The following TBC1D17 variants were observed in gnomAD, a reference collection of about 807,000 sequenced individuals.
The protein encoded by TBC1D17 is TBC1 domain family member 17.
TBC1D17 carries 69 observed loss-of-function variants against 78.8 expected under a neutral mutation model. The ratio of observed to expected loss-of-function variants is 0.88; its 90% CI spans 0.72 to 1.07. TBC1D17 has a LOEUF of 1.07. Ranked by LOEUF, TBC1D17 falls within the 50% of genes least tolerant of loss-of-function variation. TBC1D17 has a pLI of 0.00. For missense variants in TBC1D17, 957 were observed against 861.0 expected (o/e 1.11, Z -1.39); for synonymous variants, 456 against 358.3 (o/e 1.27, Z -3.08).
intron 13 of TBC1D17, chr19:49,885,229 C>T (rs1166018233): frequency 1.7e-5 from 3 of 178,496 alleles, no homozygotes; most frequent in African/African-American, 7.1e-5. Context: ...GGGCGGATCA[C>T]TTGAGGTCAG....
At position 49,882,961 on chromosome 19, in the gene TBC1D17, C is replaced by G. The variant is rs1226374912; in HGVS notation, c.928-12C>G. On this transcript the variant is annotated splice_polypyrimidine_tract_variant and intron_variant, in intron 8 of 16. Coordinates refer to ENST00000221543, the MANE Select transcript of TBC1D17 (RefSeq NM_024682.3). The stretch of plus-strand genomic sequence containing the variant: ...AGGCCCCACTGAGCTGCCTGCCCTC[C>G]TGCACCCCCAGGGTCTGAGCCCCAG... 6.2e-7 allele frequency: 1 copy of G among 1,604,098 alleles called. No homozygotes were observed. The highest frequency in any genetic ancestry group is 1.1e-5 in the South Asian group (1 of 90,520).
rs1425281159 is a variant in TBC1D17, at chr19:49,883,693, C to T, written c.1074C>T (p.Ser358=). The T allele has an allele frequency of 2.5e-6, 4 of 1,613,812 alleles. No individual in the cohort carries two copies. The highest frequency in any genetic ancestry group is 3.4e-6 in the Non-Finnish European group (4 of 1,179,970). ...TGAAGCTGCAGTGGAAATCTGTGAG[C>T]CCTGAGCAGGAGCGGAGAAACTCAC... is the stretch of plus-strand genomic sequence containing the variant. ...FRMKLQWKSV[S]PEQERRNSLL... is the part of the protein sequence containing the mutation. The change falls in exon 10 of 17, where the codon AGC becomes AGT. Residue 358 remains serine, a synonymous_variant. Transcript: ENST00000221543.
rs897198325 is a variant in TBC1D17 at position 49,887,057 on chromosome 19, G to A, written c.1445-419G>A. Reference sequence around the variant, plus strand: ...TTACCATGTTGGCCTGGCTGGTCTCGAACTCCTGACCTCAGGTGATCCACC... The same window carrying A: ...TTACCATGTTGGCCTGGCTGGTCTCAAACTCCTGACCTCAGGTGATCCACC... On this transcript the variant is annotated intron_variant, in intron 13 of 16. Transcript: ENST00000221543. The A allele has an allele frequency of 1.8e-5, 4 of 218,438 alleles. No homozygotes were observed. The East Asian group carries it at 3.8e-4, about 21-fold the overall frequency. 13.5% of individuals were successfully genotyped at this position (218,438 alleles called of 1,614,324 possible). A position where few individuals can be genotyped will look rare whatever the true frequency, so the allele number is the denominator to read the frequency against.
chr19:49,880,961 G>A (rs1197210615), intron 4 of TBC1D17, among the ~76,000 whole-genome samples: 1 of 152,198 alleles, frequency 6.6e-6, no homozygotes, highest in Non-Finnish European at 1.5e-5. Context: ...GTGAAGAAAG[G>A]TTGGAGGTAA....
At chr19:49,882,003 A>C in intron 5 of TBC1D17, 38 bp from the exon 6 acceptor site, 1 of 1,553,032 alleles carries the variant, frequency 6.4e-7, no homozygotes, top group Non-Finnish European at 8.9e-7. Context: ...CTGGGCCCCT[A>C]CCTGTGCATC....
intron 10 of TBC1D17, among the ~76,000 whole-genome samples, 165 bp from the exon 11 acceptor site, chr19:49,884,088 G>A (rs1199357526): frequency 1.3e-5 from 2 of 152,190 alleles, no homozygotes; most frequent in Non-Finnish European, 2.9e-5. Flanking sequence ...CCTCACAGCA[G>A]GAGCATCAGT....
At chr19:49,888,107 A>G in intron 15 of TBC1D17, 124 bp from the exon 16 acceptor site, 1 of 1,458,394 alleles carries the variant, frequency 6.9e-7, no homozygotes, top group South Asian at 1.3e-5. Context: ...CGCCCAGCGC[A>G]CTTCTGAGCC....
intron 2 of TBC1D17, 45 bp downstream of exon 2, chr19:49,878,286 G>T (rs1235277596): frequency 6.5e-7 from 1 of 1,529,920 alleles, no homozygotes; most frequent in Non-Finnish European, 8.9e-7. Flanking sequence ...CGAGCGGGAT[G>T]CAGGCGGTCT....
chr19:49,880,198 A>G, intron 3 of TBC1D17, 81 bp from the exon 4 acceptor site: 3 of 1,545,782 alleles, frequency 1.9e-6, no homozygotes, highest in Non-Finnish European at 2.6e-6. Context: ...TCTTTATTCA[A>G]TGGGGCTATC....
rs201849933 is a variant in TBC1D17 at position 49,884,310 on chromosome 19, C to T, written c.1184C>T (p.Pro395Leu). ...AAGTTCTACGAGGGTCCCGAGAACC[C>T]GGGGCTGGGCCTGCTGAACGATATC... ...TNKFYEGPEN[P>L]GLGLLNDILL... The change falls in exon 11 of 17, where the codon CCG (proline) becomes CTG (leucine). Residue 395 changes from proline (P) to leucine (L), a missense_variant. Coordinates refer to ENST00000221543, the MANE Select transcript of TBC1D17 (RefSeq NM_024682.3). 12 of 1,613,878 alleles carry T rather than the reference C, an allele frequency of 7.4e-6. No individual in the cohort carries two copies. The highest frequency in any genetic ancestry group is 6.6e-5 in the South Asian group (6 of 91,084).
intron 13 of TBC1D17, 120 bp downstream of exon 13, chr19:49,884,878 CCA>C: frequency 1.2e-6 from 1 of 848,678 alleles, no homozygotes. Context: ...AGAAACATCC[CCA>C]CACAACCTAG....
chr19:49,888,365 C>A (rs2075083257), intron 16 of TBC1D17, 48 bp downstream of exon 16: 1 of 1,548,620 alleles, frequency 6.5e-7, no homozygotes, highest in African/African-American at 1.4e-5. Flanking sequence ...CCCGACCGAC[C>A]CCCGCCCCCT....
chr19:49,888,200 C>T, intron 15 of TBC1D17, 31 bp from the exon 16 acceptor site: 1 of 1,557,546 alleles, frequency 6.4e-7, no homozygotes, highest in Non-Finnish European at 8.7e-7. Context: ...GGTTGAGTGC[C>T]GACTGGCGCC....
At chr19:49,888,026 G>C in intron 15 of TBC1D17, 192 bp downstream of exon 15, 1 of 984,874 alleles carries the variant, frequency 1.0e-6, no homozygotes, top group Admixed American at 2.4e-5. Flanking sequence ...GGTCCTCCGG[G>C]CAGGTGGGTG....
At chr19:49,888,348 C>T in intron 16 of TBC1D17, 31 bp downstream of exon 16, 5 of 1,525,118 alleles carry the variant, frequency 3.3e-6, no homozygotes, top group Non-Finnish European at 4.4e-6. Context: ...CAGCGCCCCG[C>T]CCGAACCCCG....
In TBC1D17 at chr19:49,878,688, C is replaced by T. The variant is rs1374138423; in HGVS notation, c.195+116C>T. The T allele has an allele frequency of 4.1e-6, 4 of 964,516 alleles. No individual in the cohort carries two copies. In the African/African-American group the frequency reaches 4.9e-5, roughly 12 times the overall value. The allele number at this position is 964,516 out of a possible 1,614,324, so 59.7% of individuals were successfully genotyped here. A position where few individuals can be genotyped will look rare whatever the true frequency, so the allele number is the denominator to read the frequency against. On this transcript the variant is annotated intron_variant, in intron 3 of 16. Coordinates refer to ENST00000221543, the MANE Select transcript of TBC1D17 (RefSeq NM_024682.3). Reference sequence around the variant, plus strand: ...GACCTACTCGTGGGGCATGTGTGACCCTGTTTAGGCTTGGGTACTCTGCCT... The same window carrying T: ...GACCTACTCGTGGGGCATGTGTGACTCTGTTTAGGCTTGGGTACTCTGCCT...
Position 49,888,488 on chromosome 19 carries a change from C to A in TBC1D17, c.1811C>A (p.Ser604Ter), listed in dbSNP as rs765269899. Residue 604 changes from serine (S) to a stop codon, truncating the protein, a stop_gained, in exon 17 of 17, where the codon TCG becomes TAG. Coordinates refer to ENST00000221543, the MANE Select transcript of TBC1D17 (RefSeq NM_024682.3). LOFTEE classifies it low-confidence loss of function (END_TRUNC). ...LAPPAEPHSPSPTASPLPLSP... is the reference protein window; with the variant it reads ...LAPPAEPHSP ...CCGCCCGCAGAGCCCCACAGCCCCT[C>A]GCCCACCGCCTCCCCGCTGCCTCTG... 4 of 1,582,632 alleles carry A rather than the reference C, an allele frequency of 2.5e-6. No homozygotes were observed. The highest frequency in any genetic ancestry group is 3.4e-6 in the Non-Finnish European group (4 of 1,169,220).
At chr19:49,878,265 C>A (rs2074977843) in intron 2 of TBC1D17, 24 bp downstream of exon 2, 1 of 1,547,622 alleles carries the variant, frequency 6.5e-7, no homozygotes, top group Non-Finnish European at 8.7e-7. Flanking sequence ...GAGCAGGGCT[C>A]GGACCCGCTC....
intron 9 of TBC1D17, among the ~76,000 whole-genome samples, chr19:49,883,375 T>C (rs968001844): frequency 6.6e-6 from 1 of 152,116 alleles, no homozygotes; most frequent in Non-Finnish European, 1.5e-5. Context: ...TGCCAGGCAC[T>C]GAGGATGCAG....
Sources: gnomAD v4.1 joint callset for allele counts (sites outside exome capture counted in the v4.1 genomes callset) on GRCh38, gnomAD v4.1.1 for gene constraint, MANE v1.5 for transcripts, NCBI Gene and HGNC (gene_info 2026-07-23, HGNC 2026-07-21) for gene names.